Variants in UBLCP1 observed in about 807,000 individuals in gnomAD.
UBLCP1 encodes the protein ubiquitin like domain containing CTD phosphatase 1.
In UBLCP1, 28 loss-of-function variants were observed where a neutral mutation model predicts 42.4. The ratio of observed to expected loss-of-function variants is 0.66; its 90% CI spans 0.49 to 0.90. UBLCP1 has a LOEUF of 0.90. UBLCP1 is among the 40% of genes least tolerant of loss of function. UBLCP1 has a pLI of 0.00. For synonymous variants in UBLCP1, 122 were observed against 120.8 expected (o/e 1.01, Z -0.07); for missense variants, 279 against 374.5 (o/e 0.75, Z 2.10).
rs1491169745 is a variant in UBLCP1 at position 159,285,244 on chromosome 5, A to AC, written c.*313_*314insC. The AC allele has an allele frequency of 0.021, 2,955 of 137,560 alleles. 196 individuals carry two copies. Among genetic ancestry groups the AC allele is most frequent in the East Asian group, 0.034 (218 of 6,378 alleles). The allele number at this position is 137,560 out of a possible 1,614,324, so 8.5% of individuals were successfully genotyped here. On this transcript the variant is annotated 3_prime_UTR_variant, in exon 11 of 11. Coordinates refer to ENST00000296786, the MANE Select transcript of UBLCP1 (RefSeq NM_145049.5). ...CACACACACACACACACACACACACAAAGTGGAGAAAAATGTATACTCAAC... is the reference window on the plus strand; with the variant it reads ...CACACACACACACACACACACACACACAAGTGGAGAAAAATGTATACTCAAC...
At chr5:159,273,527 G>T (rs1385759313) in intron 6 of UBLCP1, among the ~76,000 whole-genome samples, 1 of 152,110 alleles carries the variant, frequency 6.6e-6, no homozygotes, top group Non-Finnish European at 1.5e-5. Context: ...CAGGTTAGTT[G>T]TAAGAATAGA....
chr5:159,273,658 G>A (rs1023492694), intron 6 of UBLCP1, among the ~76,000 whole-genome samples: 2 of 152,046 alleles, frequency 1.3e-5, no homozygotes, highest in South Asian at 2.1e-4. Flanking sequence ...AGTAAGTACC[G>A]GATTAAAATT....
intron 10 of UBLCP1, among the ~76,000 whole-genome samples, chr5:159,284,679 G>A (rs1486061557): frequency 6.6e-6 from 1 of 152,078 alleles, no homozygotes; most frequent in East Asian, 1.9e-4. Context: ...CTGTAAAATA[G>A]GAATAATTCT....
Position 159,268,930 on chromosome 5 carries a change from C to T in UBLCP1, c.15C>T (p.Ile5=), listed in dbSNP as rs769482662. 120 of 1,608,952 alleles carry T rather than the reference C, an allele frequency of 7.5e-5. No homozygotes were observed. In the East Asian group the frequency reaches 2.6e-3, roughly 34 times the overall value. The change falls in exon 2 of 11, where the codon ATC becomes ATT. Residue 5 remains isoleucine (I), a synonymous_variant. Transcript: ENST00000296786. ...ATGTTTCAAGAATGGCTCTCCCTAT[C>T]ATTGTAAAATGGGGTGGACAGGAGT... MALP[I]IVKWGGQEYS... is the part of the protein sequence containing the mutation.
At position 159,270,014 on chromosome 5, in the gene UBLCP1, T is replaced by C; in HGVS notation, c.246+15T>C. 6.4e-7 allele frequency: 1 copy of C among 1,573,840 alleles called. No individual in the cohort carries two copies. Among genetic ancestry groups the C allele is most frequent in the East Asian group, 2.2e-5 (1 of 44,468 alleles). ...AGGAGAGCTTGGTAAATGTTTACTT[T>C]TTGTTACCATTTGTCCATTTGAAGA... is the stretch of plus-strand genomic sequence containing the variant. On this transcript the variant is annotated intron_variant, in intron 3 of 10. Coordinates refer to ENST00000296786, the MANE Select transcript of UBLCP1 (RefSeq NM_145049.5).
At chr5:159,281,489 G>A (rs755535254) in intron 9 of UBLCP1, among the ~76,000 whole-genome samples, 64 of 152,226 alleles carry the variant, frequency 4.2e-4, no homozygotes, top group Non-Finnish European at 7.9e-4. Context: ...AAACAGCACT[G>A]CTGCACTACC....
At chr5:159,265,820 C>G (rs566552670) in intron 1 of UBLCP1, among the ~76,000 whole-genome samples, 8 of 152,096 alleles carry the variant, frequency 5.3e-5, no homozygotes, top group Non-Finnish European at 8.8e-5. Flanking sequence ...GCTGGGATTA[C>G]AGGCGCCCAC....
chr5:159,265,579 T>G (rs1475994586), intron 1 of UBLCP1, among the ~76,000 whole-genome samples: 1 of 152,216 alleles, frequency 6.6e-6, no homozygotes, highest in Non-Finnish European at 1.5e-5. Flanking sequence ...TCTCCCAGAA[T>G]TCCCACTTAT....
chr5:159,272,098 A>G lies in UBLCP1; in HGVS notation c.524A>G (p.Glu175Gly). 1 of 1,613,198 alleles carries G rather than the reference A, an allele frequency of 6.2e-7. No homozygotes were observed. Residue 175 changes from glutamate to glycine, a missense_variant, in exon 6 of 11, where the codon GAA becomes GGA. Coordinates refer to ENST00000296786, the MANE Select transcript of UBLCP1 (RefSeq NM_145049.5). ...YLHEFLTSAY[E>G]DYDIVIWSAT... ...CATGAATTTCTAACATCTGCCTATGAAGATTATGACATTGTTATTTGGTGT... is the reference window on the plus strand; with the variant it reads ...CATGAATTTCTAACATCTGCCTATGGAGATTATGACATTGTTATTTGGTGT...
intron 1 of UBLCP1, among the ~76,000 whole-genome samples, chr5:159,267,232 T>G (rs1244568801): frequency 1.3e-5 from 2 of 152,186 alleles, no homozygotes; most frequent in African/African-American, 4.8e-5. Context: ...ACCCACCTCT[T>G]GCATCAGTGT....
rs773932930 is a variant in UBLCP1, at chr5:159,284,863, A to G, written c.930-41A>G. The G allele has an allele frequency of 3.5e-5, 56 of 1,608,230 alleles. 1 individual carries two copies. In the South Asian group the frequency reaches 5.7e-4, roughly 16 times the overall value. ...AAAGTTAGGTTATCTTCATGAATTT[A>G]GCATGATACAGCTTTGACATCTTTA... On this transcript the variant is annotated intron_variant, in intron 10 of 10. Coordinates refer to ENST00000296786, the MANE Select transcript of UBLCP1 (RefSeq NM_145049.5).
Position 159,274,593 on chromosome 5 carries a change from A to G in UBLCP1, c.556A>G (p.Asn186Asp), listed in dbSNP as rs755344695. 6 of 1,611,440 alleles carry G rather than the reference A, an allele frequency of 3.7e-6. No homozygotes were observed. The Admixed American group carries it at 6.7e-5, about 18-fold the overall frequency. The change falls in exon 7 of 11, where the codon AAT (asparagine) becomes GAT (aspartate). Residue 186 changes from asparagine (N) to aspartate (D), a missense_variant. By Grantham distance (23) the Asn-to-Asp change is conservative. Coordinates refer to ENST00000296786, the MANE Select transcript of UBLCP1 (RefSeq NM_145049.5). ...DYDIVIWSAT[N>D]MKWIEAKMKE... ...CATTCCTCGTGTTTTAGCTGCAACA[A>G]ATATGAAGTGGATTGAAGCTAAAAT...
intron 1 of UBLCP1, among the ~76,000 whole-genome samples, chr5:159,263,875 T>G (rs1472142441): frequency 1.3e-5 from 2 of 152,240 alleles, no homozygotes; most frequent in Non-Finnish European, 2.9e-5. Flanking sequence ...TGCTATACTT[T>G]AAAATTTCTT....
At chr5:159,277,101 C>T (rs1275224638) in intron 8 of UBLCP1, among the ~76,000 whole-genome samples, 1 of 150,666 alleles carries the variant, frequency 6.6e-6, no homozygotes, top group African/African-American at 2.4e-5. Flanking sequence ...TTTCTTGAGG[C>T]TTTTGTTAGC....
At chr5:159,265,796 T>G (rs1753382861) in intron 1 of UBLCP1, among the ~76,000 whole-genome samples, 1 of 152,206 alleles carries the variant, frequency 6.6e-6, no homozygotes, top group Non-Finnish European at 1.5e-5. Context: ...CTAGCCATTG[T>G]GGAACTGTAA....
At chr5:159,274,758 G>A (rs1304476224) in intron 7 of UBLCP1, 136 bp downstream of exon 7, 1 of 737,298 alleles carries the variant, frequency 1.4e-6, no homozygotes, top group Non-Finnish European at 2.2e-6. Flanking sequence ...TGGGAGTAGA[G>A]GTGTTTTTAA....
intron 8 of UBLCP1, 38 bp from the exon 9 acceptor site, chr5:159,278,200 T>C (rs1170924171): frequency 7.2e-7 from 1 of 1,389,124 alleles, no homozygotes; most frequent in African/African-American, 1.4e-5. Flanking sequence ...GATGAAATAT[T>C]GATAAAATTT....
intron 9 of UBLCP1, among the ~76,000 whole-genome samples, chr5:159,278,827 T>G (rs1449556113): frequency 6.6e-6 from 1 of 150,558 alleles, no homozygotes; most frequent in Non-Finnish European, 1.5e-5. Context: ...CACCTCGACC[T>G]CCCACAAGTG....
At chr5:159,275,325 A>G in intron 8 of UBLCP1, 79 bp downstream of exon 8, 1 of 1,082,250 alleles carries the variant, frequency 9.2e-7, no homozygotes, top group Non-Finnish European at 1.4e-6. Flanking sequence ...CCTATGGAGT[A>G]AATAGTGTAG....
Sources: allele counts gnomAD v4.1 joint callset (sites outside exome capture counted in the v4.1 genomes callset), GRCh38; gene constraint gnomAD v4.1.1; transcripts MANE v1.5; gene names NCBI Gene and HGNC (gene_info 2026-07-23, HGNC 2026-07-21).